Variants in ARHGAP26 observed in about 807,000 individuals in gnomAD.
ARHGAP26 encodes Rho GTPase activating protein 26, also known as rho GTPase-activating protein 26.
Under a neutral mutation model 104.8 loss-of-function variants are expected in ARHGAP26, and 38 were observed. The observed-to-expected ratio is 0.36, with a 90% CI of 0.28 to 0.48. The LOEUF (loss-of-function observed/expected upper bound fraction) is 0.48, where lower values mean the gene tolerates loss of function less well. ARHGAP26 is among the 20% of genes least tolerant of loss of function. The pLI is 0.99. For synonymous variants in ARHGAP26, 341 were observed against 340.0 expected (o/e 1.00, Z -0.03); for missense variants, 704 against 947.9 (o/e 0.74, Z 3.38).
At chr5:142,882,687 T>G (rs1283006644) in intron 4 of ARHGAP26, among the ~76,000 whole-genome samples, 1 of 152,200 alleles carries the variant, frequency 6.6e-6, no homozygotes, top group Non-Finnish European at 1.5e-5. Flanking sequence ...TTGCTGACAT[T>G]TATTGAGCAC....
chr5:142,889,460 A>G (rs1758181565), intron 5 of ARHGAP26, among the ~76,000 whole-genome samples: 3 of 151,472 alleles, frequency 2.0e-5, no homozygotes, highest in African/African-American at 7.3e-5. Context: ...TGAAAATGCA[A>G]AAAAAAAATT....
At chr5:142,963,304 G>T (rs1235887305) in intron 11 of ARHGAP26, among the ~76,000 whole-genome samples, 2 of 150,868 alleles carry the variant, frequency 1.3e-5, no homozygotes, top group African/African-American at 2.4e-5. Context: ...ATTGATAATA[G>T]TGCTGCAGTG....
chr5:143,203,160 T>A (rs1808026887), intron 20 of ARHGAP26: 1 of 151,430 alleles, frequency 6.6e-6, no homozygotes, highest in Non-Finnish European at 1.5e-5. Context: ...TGGGAGAAAA[T>A]TTTTGCAATC....
intron 21 of ARHGAP26, among the ~76,000 whole-genome samples, chr5:143,211,999 G>A (rs1229040024): frequency 6.6e-6 from 1 of 152,136 alleles, no homozygotes; most frequent in Admixed American, 6.5e-5. Flanking sequence ...TACCCCTGCT[G>A]GTTTTCCAGC....
chr5:143,170,911 G>A (rs752781458), intron 20 of ARHGAP26, among the ~76,000 whole-genome samples: 5 of 152,142 alleles, frequency 3.3e-5, no homozygotes, highest in Admixed American at 2.0e-4. Context: ...CTCTGGTATC[G>A]TTCAAGTATC....
intron 20 of ARHGAP26, among the ~76,000 whole-genome samples, chr5:143,148,676 C>G (rs1799437238): frequency 6.6e-6 from 1 of 152,224 alleles, no homozygotes; most frequent in Admixed American, 6.5e-5. Context: ...CAGTGAGTCT[C>G]TTCCGGTTCT....
intron 11 of ARHGAP26, among the ~76,000 whole-genome samples, chr5:143,008,497 G>T (rs1778295960): frequency 6.6e-6 from 1 of 152,212 alleles, no homozygotes; most frequent in South Asian, 2.1e-4. Context: ...CTCCACATTG[G>T]TACATCAGGG....
intron 3 of ARHGAP26, 65 bp downstream of exon 3, chr5:142,875,236 G>T: frequency 1.3e-5 from 19 of 1,479,658 alleles, no homozygotes; most frequent in Non-Finnish European, 1.8e-5. Flanking sequence ...CAAGGGATGG[G>T]TATCAGAAGA....
chr5:143,033,414 C>T lies in ARHGAP26; in HGVS notation c.1145-3782C>T, dbSNP rs148005328. Among the ~76,000 whole-genome samples the T allele has an allele frequency of 1.2e-3, 187 of 152,192 alleles. 1 individual carries two copies. The highest frequency in any genetic ancestry group is 4.3e-3 in the African/African-American group (177 of 41,534). On this transcript the variant is annotated intron_variant, in intron 12 of 22. Coordinates refer to ENST00000645722, the MANE Select transcript of ARHGAP26 (RefSeq NM_001135608.3). ...TTTTCTGGATGTATTTGGAAGCGTC[C>T]ATTTTATTCTTTTCCAGTAAATATT...
rs74418853 is a variant in ARHGAP26 at position 143,068,298 on chromosome 5, A to C, written c.1538+10551A>C. Among the ~76,000 whole-genome samples, 809 of 152,304 alleles carry C rather than the reference A, an allele frequency of 5.3e-3. 4 individuals are homozygous for C. Among genetic ancestry groups the C allele is most frequent in the Non-Finnish European group, 8.4e-3 (568 of 68,008 alleles). ...GGGCGCTTGTGGTACCTGGCATCCT[A>C]CTACATTTCTCTAGGCCATTTCTTC... On this transcript the variant is annotated intron_variant, in intron 17 of 22. Coordinates refer to ENST00000645722, the MANE Select transcript of ARHGAP26 (RefSeq NM_001135608.3).
intron 19 of ARHGAP26, among the ~76,000 whole-genome samples, chr5:143,142,169 C>G (rs1798624968): frequency 8.4e-6 from 1 of 119,440 alleles, no homozygotes; most frequent in African/African-American, 3.4e-5. Flanking sequence ...GACAGTCTTG[C>G]TCTGTCGCCT....
At chr5:142,843,912 C>A (rs1771337729) in intron 1 of ARHGAP26, among the ~76,000 whole-genome samples, 1 of 152,082 alleles carries the variant, frequency 6.6e-6, no homozygotes, top group South Asian at 2.1e-4. Flanking sequence ...GTTATGGGGT[C>A]TTGGGAAGTG....
At chr5:142,821,307 T>G (rs1262530244) in intron 1 of ARHGAP26, among the ~76,000 whole-genome samples, 3 of 140,414 alleles carry the variant, frequency 2.1e-5, no homozygotes, top group Non-Finnish European at 3.0e-5. Flanking sequence ...GTGGTTTTTT[T>G]TTTTTTTTTT....
At chr5:142,821,299 GGTTTT>G (rs1766122316) in intron 1 of ARHGAP26, among the ~76,000 whole-genome samples, 3 of 132,828 alleles carry the variant, frequency 2.3e-5, no homozygotes, top group African/African-American at 9.3e-5. Context: ...AAGGTAGAGT[GGTTTT>G]TTTTTTTTTT....
rs971440661 is a variant in ARHGAP26, at chr5:142,988,917, G to A, written c.1108-25163G>A. Among the ~76,000 whole-genome samples the A allele has an allele frequency of 2.6e-5, 4 of 152,134 alleles. No individual in the cohort carries two copies. In the East Asian group the frequency reaches 7.7e-4, roughly 29 times the overall value. ...AGGAGTGCTTTACTTCCAACTATGT[G>A]GTTAATTTTGGAATAAGTGTCGTCT... On this transcript the variant is annotated intron_variant, in intron 11 of 22. Coordinates refer to ENST00000645722, the MANE Select transcript of ARHGAP26 (RefSeq NM_001135608.3).
chr5:143,220,152 A>G (rs1810946484), intron 22 of ARHGAP26, among the ~76,000 whole-genome samples: 2 of 152,244 alleles, frequency 1.3e-5, no homozygotes, highest in African/African-American at 4.8e-5. Context: ...GAGCTTGGCT[A>G]TAAAGCGGGA....
intron 1 of ARHGAP26, among the ~76,000 whole-genome samples, chr5:142,818,172 G>A (rs1395643372): frequency 6.6e-6 from 1 of 151,590 alleles, no homozygotes; most frequent in Non-Finnish European, 1.5e-5. Flanking sequence ...TCCTTCCACC[G>A]TGCCATGTGG....
intron 1 of ARHGAP26, among the ~76,000 whole-genome samples, chr5:142,809,360 G>A (rs1763633730): frequency 6.6e-6 from 1 of 152,210 alleles, no homozygotes; most frequent in Non-Finnish European, 1.5e-5. Flanking sequence ...GGATGTGAAG[G>A]ACTTTGAGCT....
At chr5:143,002,109 A>G (rs1056181871) in intron 11 of ARHGAP26, among the ~76,000 whole-genome samples, 3 of 152,150 alleles carry the variant, frequency 2.0e-5, no homozygotes, top group South Asian at 2.1e-4. Flanking sequence ...TCGAGTTGCA[A>G]TGAAGACAGC....
Sources: gnomAD v4.1 joint callset for allele counts (sites outside exome capture counted in the v4.1 genomes callset) on GRCh38, gnomAD v4.1.1 for gene constraint, MANE v1.5 for transcripts, NCBI Gene and HGNC (gene_info 2026-07-23, HGNC 2026-07-21) for gene names.